CASS4: variants seen among roughly 807,000 people sequenced by gnomAD.
The protein encoded by CASS4 is Cas scaffold protein family member 4.
CASS4 carries 22 observed loss-of-function variants against 54.2 expected under a neutral mutation model. The observed-to-expected ratio is 0.41, with a 90% CI of 0.29 to 0.58. The LOEUF is 0.58. Among genes scored for constraint, CASS4 ranks in the 20% least tolerant of loss-of-function variants. The pLI is 0.36. For missense variants in CASS4, 854 were observed against 986.7 expected (o/e 0.87, Z 1.80); for synonymous variants, 409 against 391.5 (o/e 1.04, Z -0.53).
intron 2 of CASS4, among the ~76,000 whole-genome samples, chr20:56,443,539 A>T (rs568823590): frequency 6.6e-6 from 1 of 151,918 alleles, no homozygotes; most frequent in African/African-American, 2.4e-5. Context: ...GTCCACCTAG[A>T]CCAATCAGCC....
chr20:56,433,140 C>G (rs576311869), intron 1 of CASS4, among the ~76,000 whole-genome samples: 6 of 152,358 alleles, frequency 3.9e-5, no homozygotes, highest in African/African-American at 1.2e-4. Context: ...TATGGGGAGA[C>G]AGACCCTGGA....
intron 4 of CASS4, 74 bp from the exon 5 acceptor site, chr20:56,451,745 T>G: frequency 1.8e-5 from 20 of 1,084,010 alleles, no homozygotes; most frequent in Non-Finnish European, 2.4e-5. Flanking sequence ...GGAGTGACGA[T>G]GAGATTTAAA....
In CASS4 at chr20:56,437,685, C is replaced by T. The variant is rs901803835; in HGVS notation, c.459+99C>T. ...GCATGGGTGTCCTTCAGATCAAACA[C>T]GCAAAACGGGAGCCCAGATTGCTGG... On this transcript the variant is annotated intron_variant, in intron 2 of 5. Transcript: ENST00000679887. This position sits in a 1 kb window ranked among gnomAD's most constrained non-coding sequence, Gnocchi z 4.7. 25 of 1,131,904 alleles carry T rather than the reference C, an allele frequency of 2.2e-5. No homozygotes were observed. Among genetic ancestry groups the T allele is most frequent in the East Asian group, 1.1e-4 (4 of 37,734 alleles). 70.1% of individuals were successfully genotyped at this position (1,131,904 alleles called of 1,614,324 possible). A position where few individuals can be genotyped will look rare whatever the true frequency, so the allele number is the denominator to read the frequency against.
At chr20:56,457,250 T>C (rs1600780251) in intron 5 of CASS4, among the ~76,000 whole-genome samples, 1 of 152,152 alleles carries the variant, frequency 6.6e-6, no homozygotes, top group Non-Finnish European at 1.5e-5. Flanking sequence ...TTTGAGATAA[T>C]AGGTAAATGC....
At chr20:56,415,911 A>G (rs16979903) in intron 1 of CASS4, among the ~76,000 whole-genome samples, 1,767 of 152,374 alleles carry the variant, frequency 0.012, 30 homozygotes, top group African/African-American at 0.039. Context: ...TTTATAGAAC[A>G]AGGCGAAATT....
chr20:56,444,628 C>T (rs1285271990), intron 2 of CASS4, among the ~76,000 whole-genome samples: 1 of 152,196 alleles, frequency 6.6e-6, no homozygotes, highest in Non-Finnish European at 1.5e-5. Context: ...CCCCAGGGGA[C>T]TCGGATCCCT....
At chr20:56,440,520 C>T (rs1464771772) in intron 2 of CASS4, among the ~76,000 whole-genome samples, 2 of 152,170 alleles carry the variant, frequency 1.3e-5, no homozygotes, top group Non-Finnish European at 1.5e-5. Flanking sequence ...AAGGCTGGCA[C>T]CTCCTCCCTG....
chr20:56,436,995 G>T (rs568773419), intron 1 of CASS4, among the ~76,000 whole-genome samples, 169 bp from the exon 2 acceptor site: 9 of 152,312 alleles, frequency 5.9e-5, no homozygotes, highest in Non-Finnish European at 1.2e-4. Flanking sequence ...AGACCCCAAG[G>T]ATGTGAAGGA....
At chr20:56,413,681 A>C in intron 1 of CASS4, among the ~76,000 whole-genome samples, 1 of 145,740 alleles carries the variant, frequency 6.9e-6, no homozygotes, top group Admixed American at 6.8e-5. Context: ...TCAAAAAAAA[A>C]AAAAAAAAAA....
intron 1 of CASS4, among the ~76,000 whole-genome samples, chr20:56,436,374 G>GTATATATA (rs60742243): frequency 2.0e-4 from 27 of 135,560 alleles, no homozygotes; most frequent in African/African-American, 7.1e-4. Context: ...ATATATATAT[G>GTATATATA]TATATATATA....
intron 5 of CASS4, among the ~76,000 whole-genome samples, 178 bp from the exon 6 acceptor site, chr20:56,458,162 C>T (rs1384228011): frequency 6.6e-6 from 1 of 151,220 alleles, no homozygotes; most frequent in Non-Finnish European, 1.5e-5. Context: ...TTATATATTA[C>T]AGTGCTTTGA....
At chr20:56,417,714 G>T (rs920665707) in intron 1 of CASS4, among the ~76,000 whole-genome samples, 1 of 152,168 alleles carries the variant, frequency 6.6e-6, no homozygotes, top group Non-Finnish European at 1.5e-5. Context: ...CTGCAGCCCC[G>T]CTGTGAGGAT....
chr20:56,434,538 G>A (rs1221640169), intron 1 of CASS4, among the ~76,000 whole-genome samples: 2 of 152,062 alleles, frequency 1.3e-5, no homozygotes, highest in Non-Finnish European at 2.9e-5. Context: ...CCAGGTTCAG[G>A]TGATTCTTCT....
At position 56,437,898 on chromosome 20, in the gene CASS4, T is replaced by C. The variant is rs1239223339; in HGVS notation, c.459+312T>C. ...ACTGAGGATGTTCGTGGCACCCTTTTCACAGGATGAAGGATCACCAGGACT... is the reference window on the plus strand; with the variant it reads ...ACTGAGGATGTTCGTGGCACCCTTTCCACAGGATGAAGGATCACCAGGACT... On this transcript the variant is annotated intron_variant, in intron 2 of 5. Transcript: ENST00000679887. This position sits in a 1 kb window ranked among gnomAD's most constrained non-coding sequence, Gnocchi z 4.7. Among the ~76,000 whole-genome samples the C allele has an allele frequency of 6.6e-6, 1 of 152,116 alleles. No individual in the cohort carries two copies. Among genetic ancestry groups the C allele is most frequent in the East Asian group, 1.9e-4 (1 of 5,196 alleles).
intron 5 of CASS4, among the ~76,000 whole-genome samples, chr20:56,458,051 C>T (rs1430868036): frequency 1.3e-5 from 2 of 148,694 alleles, no homozygotes; most frequent in Admixed American, 1.3e-4. Context: ...TAAATATAGT[C>T]ATTGCCAATG....
intron 1 of CASS4, among the ~76,000 whole-genome samples, chr20:56,423,806 A>G (rs569132810): frequency 6.6e-6 from 1 of 152,288 alleles, no homozygotes; most frequent in African/African-American, 2.4e-5. Flanking sequence ...CGGCGTCCCA[A>G]AGTGTTGGGA....
chr20:56,437,241 G>A lies in CASS4; in HGVS notation c.114G>A (p.Leu38=). The A allele has an allele frequency of 6.2e-7, 1 of 1,612,962 alleles. No individual in the cohort carries two copies. Among genetic ancestry groups the A allele is most frequent in the Non-Finnish European group, 8.5e-7 (1 of 1,179,332 alleles). Residue 38 remains leucine (L), a synonymous_variant, in exon 2 of 6, where the codon CTG becomes CTA. Transcript: ENST00000679887. This position sits in a 1 kb window ranked among gnomAD's most constrained non-coding sequence, Gnocchi z 4.7. ...DELAFSRGDI[L]TILEQHVPES... ...TGGCTTTCAGCAGAGGGGACATCCTGACCATTCTGGAGCAACACGTGCCAG... is the reference window on the plus strand; with the variant it reads ...TGGCTTTCAGCAGAGGGGACATCCTAACCATTCTGGAGCAACACGTGCCAG...
chr20:56,420,690 C>T (rs1366976660), intron 1 of CASS4, among the ~76,000 whole-genome samples: 3 of 152,060 alleles, frequency 2.0e-5, no homozygotes, highest in African/African-American at 4.8e-5. Flanking sequence ...CCACCACACC[C>T]GGCCCAGGTT....
chr20:56,458,202 G>A, intron 5 of CASS4, 138 bp from the exon 6 acceptor site: 3 of 685,130 alleles, frequency 4.4e-6, no homozygotes, highest in Non-Finnish European at 7.2e-6. Context: ...AACTGTTGCA[G>A]TATTGGGCTT....
Sources: allele counts gnomAD v4.1 joint callset (sites outside exome capture counted in the v4.1 genomes callset), GRCh38; gene constraint gnomAD v4.1.1; non-coding constraint Gnocchi (gnomAD v3.1); transcripts MANE v1.5; gene names NCBI Gene and HGNC (gene_info 2026-07-23, HGNC 2026-07-21).